Variants in ANKRD30BL observed in about 807,000 individuals in gnomAD.
The protein encoded by ANKRD30BL is ankyrin repeat domain 30B like.
In ANKRD30BL, 20 loss-of-function variants were observed where a neutral mutation model predicts 18.4. The observed-to-expected ratio is 1.09, with a 90% CI of 0.77 to 1.58. The LOEUF (loss-of-function observed/expected upper bound fraction) is 1.58, where lower values mean the gene tolerates loss of function less well. Among genes scored for constraint, ANKRD30BL ranks in the 40% most tolerant of loss-of-function variants. The probability of loss-of-function intolerance (pLI) is 0.00; values close to 1 mark genes in which losing one functional copy is unlikely to be tolerated. For missense variants in ANKRD30BL, 224 were observed against 268.6 expected (o/e 0.83, Z 1.16); for synonymous variants, 72 against 100.9 (o/e 0.71, Z 1.72).
chr2:132,226,799 CT>C (rs1453305137), intron 1 of ANKRD30BL, among the ~76,000 whole-genome samples: 2 of 152,050 alleles, frequency 1.3e-5, no homozygotes, highest in Non-Finnish European at 2.9e-5. Context: ...TGGAAAAACT[CT>C]TTTTGTAGAT....
In ANKRD30BL at chr2:132,198,295, TCTTTCTTTCTTTCTTTCTTTCTTTC is replaced by T. The variant is rs1679010530; in HGVS notation, n.442-41174_442-41150del. Among the ~76,000 whole-genome samples, 118 of 12,776 alleles carry T rather than the reference TCTTTCTTTCTTTCTTTCTTTCTTTC, an allele frequency of 9.2e-3. 1 individual carries two copies. Among genetic ancestry groups the T allele is most frequent in the African/African-American group, 0.021 (116 of 5,636 alleles). 8.4% of individuals were successfully genotyped at this position (12,776 alleles called of 152,430 possible). ...TTCTTTCTTTCTTTCTTTCTTTCTT[TCTTTCTTTCTTTCTTTCTTTCTTTC>T]TTTCTTTTTTTTTTTTTTTTTTAGA... is the stretch of plus-strand genomic sequence containing the variant. On this transcript the variant is annotated intron_variant and non_coding_transcript_variant, in intron 1 of 4. Coordinates refer to the ANKRD30BL transcript ENST00000470729.
At chr2:132,178,257 A>G (rs1688398233) in intron 1 of ANKRD30BL, among the ~76,000 whole-genome samples, 1 of 152,244 alleles carries the variant, frequency 6.6e-6, no homozygotes. Flanking sequence ...AATGTACGGC[A>G]GAGTAATGTA....
intron 1 of ANKRD30BL, among the ~76,000 whole-genome samples, chr2:132,168,398 A>G (rs1261266038): frequency 2.0e-5 from 3 of 152,194 alleles, no homozygotes; most frequent in African/African-American, 7.2e-5. Context: ...TGGCATATAC[A>G]TACAATGGAA....
chr2:132,252,937 C>T (rs1573898654), intron 1 of ANKRD30BL, among the ~76,000 whole-genome samples: 1 of 152,190 alleles, frequency 6.6e-6, no homozygotes. Flanking sequence ...TGCCCTCTCT[C>T]TCTTCCTCAC....
At chr2:132,225,475 A>C (rs79673432) in intron 1 of ANKRD30BL, among the ~76,000 whole-genome samples, 1 of 151,892 alleles carries the variant, frequency 6.6e-6, no homozygotes, top group African/African-American at 2.4e-5. Context: ...TGAAGGCTTC[A>C]TTGGAAATGG....
intron 1 of ANKRD30BL, among the ~76,000 whole-genome samples, chr2:132,255,852 TG>T (rs1433865665): frequency 2.0e-5 from 3 of 152,158 alleles, no homozygotes; most frequent in African/African-American, 7.2e-5. Flanking sequence ...GACATTCGAA[TG>T]GGTCATCGCT....
chr2:132,214,333 C>T (rs1454082520), intron 1 of ANKRD30BL, among the ~76,000 whole-genome samples: 2 of 151,780 alleles, frequency 1.3e-5, no homozygotes, highest in Non-Finnish European at 2.9e-5. Flanking sequence ...AATATCTTTA[C>T]ATAAAAACTA....
chr2:132,215,054 T>C (rs1213248457), intron 1 of ANKRD30BL, among the ~76,000 whole-genome samples: 1 of 152,124 alleles, frequency 6.6e-6, no homozygotes, highest in Admixed American at 6.6e-5. Flanking sequence ...AAATTCTTTG[T>C]GATGTATGTA....
intron 1 of ANKRD30BL, among the ~76,000 whole-genome samples, chr2:132,253,807 G>T (rs573638474): frequency 2.6e-5 from 4 of 152,006 alleles, no homozygotes; most frequent in African/African-American, 9.7e-5. Flanking sequence ...GCGGATGAGG[G>T]GGGTGGGACC....
intron 1 of ANKRD30BL, among the ~76,000 whole-genome samples, chr2:132,217,677 A>G (rs1679546548): frequency 6.6e-6 from 1 of 152,294 alleles, no homozygotes; most frequent in Non-Finnish European, 1.5e-5. Context: ...ACAGAGTTGA[A>G]CCTTTCTTTT....
chr2:132,149,621 C>A (rs768462657), intron 5 of ANKRD30BL, among the ~76,000 whole-genome samples: 1 of 152,092 alleles, frequency 6.6e-6, no homozygotes, highest in Non-Finnish European at 1.5e-5. Flanking sequence ...TATTGAGATC[C>A]AAATTCTAAA....
intron 5 of ANKRD30BL, among the ~76,000 whole-genome samples, chr2:132,150,146 C>A (rs566659354): frequency 6.6e-6 from 1 of 152,092 alleles, no homozygotes; most frequent in East Asian, 1.9e-4. Context: ...GAATGCAAAT[C>A]ATTTATTACA....
At chr2:132,207,545 G>C (rs1372556204) in intron 1 of ANKRD30BL, among the ~76,000 whole-genome samples, 1 of 152,102 alleles carries the variant, frequency 6.6e-6, no homozygotes, top group Non-Finnish European at 1.5e-5. Flanking sequence ...TTTTACAAAG[G>C]TAAATGAAAT....
Position 132,174,781 on chromosome 2 carries a change from G to GTATC in ANKRD30BL, n.442-17639_442-17636dup, listed in dbSNP as rs1688333314. On this transcript the variant is annotated intron_variant and non_coding_transcript_variant, in intron 1 of 4. Transcript: ENST00000470729. ...ATGCCATTGTCAATAAGTGAAGATG[G>GTATC]TATCAGTGTTCTCTAGATGTTTAAA... is the stretch of plus-strand genomic sequence containing the variant. 2.0e-5 allele frequency among the ~76,000 whole-genome samples: 3 copies of GTATC among 152,256 alleles called. No homozygotes were observed. The South Asian group carries it at 6.2e-4, about 32-fold the overall frequency.
chr2:132,219,248 C>G (rs112901523), intron 1 of ANKRD30BL, among the ~76,000 whole-genome samples: 4 of 152,006 alleles, frequency 2.6e-5, no homozygotes, highest in African/African-American at 9.7e-5. Flanking sequence ...TTGAGACACT[C>G]TTTTCACAGG....
chr2:132,150,566 G>A (rs988123663), intron 5 of ANKRD30BL, among the ~76,000 whole-genome samples: 7 of 151,552 alleles, frequency 4.6e-5, no homozygotes, highest in Admixed American at 6.6e-5. Context: ...TTTATAACAA[G>A]CATAAATTTT....
intron 1 of ANKRD30BL, among the ~76,000 whole-genome samples, chr2:132,188,176 G>A (rs1361792999): frequency 1.3e-5 from 2 of 150,850 alleles, no homozygotes; most frequent in Non-Finnish European, 1.5e-5. Flanking sequence ...CTCTTTAGAC[G>A]CAGAGGCATA....
At chr2:132,215,572 G>T (rs76572929) in intron 1 of ANKRD30BL, among the ~76,000 whole-genome samples, 1 of 131,462 alleles carries the variant, frequency 7.6e-6, no homozygotes, top group Non-Finnish European at 1.7e-5. Flanking sequence ...ACTTTGTGAT[G>T]TATGCATTCA....
intron 1 of ANKRD30BL, among the ~76,000 whole-genome samples, chr2:132,168,304 T>C (rs575706369): frequency 6.6e-6 from 1 of 152,336 alleles, no homozygotes; most frequent in East Asian, 1.9e-4. Flanking sequence ...TTAACTGAAT[T>C]GTTTGCTTTC....
Sources: gnomAD v4.1 joint callset for allele counts (sites outside exome capture counted in the v4.1 genomes callset) on GRCh38, gnomAD v4.1.1 for gene constraint, MANE v1.5 for transcripts, NCBI Gene and HGNC (gene_info 2026-07-23, HGNC 2026-07-21) for gene names.